SMARCAD1: variants seen among roughly 807,000 people sequenced by gnomAD.
SMARCAD1 encodes SNF2 related chromatin remodeling ATPase with DExD box 1.
Under a neutral mutation model 127.1 loss-of-function variants are expected in SMARCAD1, and 25 were observed. The observed-to-expected ratio is 0.20, with a 90% CI of 0.14 to 0.27. The LOEUF (loss-of-function observed/expected upper bound fraction) is 0.27, where lower values mean the gene tolerates loss of function less well. Ranked by LOEUF, SMARCAD1 falls within the 10% of genes least tolerant of loss-of-function variation. The pLI is 1.00. For missense variants in SMARCAD1, 807 were observed against 1,206.0 expected, an observed-to-expected ratio of 0.67 and a Z score of 4.90; for synonymous variants, 400 against 396.9, an observed-to-expected ratio of 1.01 and a Z score of -0.09.
At chr4:94,263,597 G>A (rs7697827) in intron 9 of SMARCAD1, among the ~76,000 whole-genome samples, 104,118 of 151,848 alleles carry the variant, frequency 0.69, 36,966 homozygotes, top group African/African-American at 0.89. Flanking sequence ...ATTTTATTTA[G>A]TTATCTTAGT....
At position 94,252,617 on chromosome 4, in the gene SMARCAD1, T is replaced by C. The variant is rs1276392318; in HGVS notation, c.891T>C (p.Asp297=). 1 of 1,544,122 alleles carries C rather than the reference T, an allele frequency of 6.5e-7. No individual in the cohort carries two copies. Among genetic ancestry groups the C allele is most frequent in the South Asian group, 1.2e-5 (1 of 81,076 alleles). Residue 297 remains aspartate, a splice_region_variant and synonymous_variant, in exon 9 of 24, where the codon GAT becomes GAC. Coordinates refer to ENST00000354268, the MANE Select transcript of SMARCAD1 (RefSeq NM_020159.5). ...ESLKVFAEDQ[D]MQYVSQSEVP... is the part of the protein sequence containing the mutation. ...ACTGTTTTTGTCTTTTATATACAGA[T>C]ATGCAATATGTATCACAAAGTGAGG...
At chr4:94,271,700 C>G (rs1752561843) in intron 11 of SMARCAD1, among the ~76,000 whole-genome samples, 1 of 152,120 alleles carries the variant, frequency 6.6e-6, no homozygotes, top group Admixed American at 6.5e-5. Flanking sequence ...ACAGAAATTA[C>G]CGAATATATG....
intron 19 of SMARCAD1, 41 bp from the exon 20 acceptor site, chr4:94,280,551 A>G: frequency 6.5e-7 from 1 of 1,533,152 alleles, no homozygotes; most frequent in Non-Finnish European, 9.0e-7. Flanking sequence ...ATTATTAATT[A>G]TTTTTATTTT....
chr4:94,223,253 G>T (rs1744445858), intron 2 of SMARCAD1, among the ~76,000 whole-genome samples: 2 of 151,720 alleles, frequency 1.3e-5, no homozygotes, highest in South Asian at 4.2e-4. Context: ...CCAGCACTTT[G>T]GGAGGCCGAG....
At chr4:94,214,418 C>T (rs1302162523) in intron 2 of SMARCAD1, among the ~76,000 whole-genome samples, 4 of 144,660 alleles carry the variant, frequency 2.8e-5, no homozygotes, top group African/African-American at 5.0e-5. Flanking sequence ...CCCGCCACCA[C>T]GCCGGGCTAA....
rs1741475734 is a variant in SMARCAD1, at chr4:94,208,007, CT to C, written c.-110del. 1 of 402,106 alleles carries C rather than the reference CT, an allele frequency of 2.5e-6. No individual in the cohort carries two copies. 24.9% of individuals were successfully genotyped at this position (402,106 alleles called of 1,614,324 possible). A position where few individuals can be genotyped will look rare whatever the true frequency, so the allele number is the denominator to read the frequency against. On this transcript the variant is annotated 5_prime_UTR_variant, in exon 1 of 24. An upstream open reading frame in the 5' UTR loses its in-frame stop. Transcript: ENST00000354268. ...GGGCACGGTAGCACAGGGAGCTTCTCTTTGTGGGCGGGCGCGAGGCCCGCTA... is the reference window on the plus strand; with the variant it reads ...GGGCACGGTAGCACAGGGAGCTTCTCTTGTGGGCGGGCGCGAGGCCCGCTA...
intron 10 of SMARCAD1, among the ~76,000 whole-genome samples, chr4:94,268,780 T>A (rs1752111053): frequency 6.6e-6 from 1 of 152,202 alleles, no homozygotes; most frequent in South Asian, 2.1e-4. Context: ...TTCCTATTTT[T>A]AATATGGATT....
chr4:94,253,448 A>C, intron 9 of SMARCAD1: 13 of 1,189,482 alleles, frequency 1.1e-5, no homozygotes, highest in Non-Finnish European at 1.4e-5. Context: ...CCATGATTCA[A>C]AATGCCAGCC....
chr4:94,245,356 G>C (rs1022807307), intron 6 of SMARCAD1, among the ~76,000 whole-genome samples: 1 of 152,170 alleles, frequency 6.6e-6, no homozygotes, highest in Non-Finnish European at 1.5e-5. Context: ...ATGATCAGAT[G>C]TTTTAAATGC....
Position 94,276,450 on chromosome 4 carries a change from C to T in SMARCAD1, c.1920C>T (p.Arg640=). ...TGCTGAAGAATATGGGCTCCATTCG[C>T]TACCAGCACCTTATGACAATTAATG... The part of the protein sequence containing the change: ...GHMLKNMGSI[R]YQHLMTINAN... The change falls in exon 15 of 24, where the codon CGC becomes CGT. Residue 640 remains arginine, a synonymous_variant. Coordinates refer to ENST00000354268, the MANE Select transcript of SMARCAD1 (RefSeq NM_020159.5). 1 of 1,614,100 alleles carries T rather than the reference C, an allele frequency of 6.2e-7. No homozygotes were observed. Among genetic ancestry groups the T allele is most frequent in the Non-Finnish European group, 8.5e-7 (1 of 1,180,010 alleles).
Position 94,264,822 on chromosome 4 carries a change from C to T in SMARCAD1, c.1397C>T (p.Ser466Leu), listed in dbSNP as rs1461587526. ...IRLMNKCEDI[S>L]NKLTKQVTML... is the part of the protein sequence containing the mutation. ...CTTATGAACAAATGTGAAGACATTT[C>T]AAATAAATTGACCAAACAAGTTACC... Residue 466 changes from serine to leucine, a missense_variant, in exon 10 of 24, where the codon TCA becomes TTA. Transcript: ENST00000354268. 2 of 1,613,024 alleles carry T rather than the reference C, an allele frequency of 1.2e-6. No individual in the cohort carries two copies. Among genetic ancestry groups the T allele is most frequent in the East Asian group, 2.2e-5 (1 of 44,762 alleles).
chr4:94,274,557 T>TC (rs1753000217), intron 12 of SMARCAD1, among the ~76,000 whole-genome samples, 181 bp from the exon 13 acceptor site: 2 of 152,314 alleles, frequency 1.3e-5, no homozygotes, highest in Middle Eastern at 6.8e-3. Context: ...CCTCAGGTGA[T>TC]CCACCCGCCT....
intron 16 of SMARCAD1, among the ~76,000 whole-genome samples, chr4:94,277,612 C>T (rs533867254): frequency 3.9e-5 from 6 of 152,214 alleles, no homozygotes; most frequent in Admixed American, 1.3e-4. Flanking sequence ...CAACTAAAAG[C>T]GACAGTAAAG....
chr4:94,226,889 A>G (rs1330231457), intron 3 of SMARCAD1, among the ~76,000 whole-genome samples: 2 of 151,236 alleles, frequency 1.3e-5, no homozygotes, highest in African/African-American at 4.9e-5. Flanking sequence ...TTTTTTCTAG[A>G]GGTGGGGTCT....
chr4:94,249,058 CAG>C (rs1748880376), intron 6 of SMARCAD1, among the ~76,000 whole-genome samples: 1 of 152,156 alleles, frequency 6.6e-6, no homozygotes, highest in African/African-American at 2.4e-5. Context: ...AGTTAAGTGA[CAG>C]AGAAGAAGGA....
chr4:94,226,838 G>A (rs1049565463), intron 3 of SMARCAD1, among the ~76,000 whole-genome samples: 26 of 151,884 alleles, frequency 1.7e-4, no homozygotes, highest in Non-Finnish European at 3.1e-4. Context: ...AAGAGGAATA[G>A]GGAGTTAGGG....
intron 5 of SMARCAD1, among the ~76,000 whole-genome samples, chr4:94,237,444 G>T (rs1480386547): frequency 2.0e-5 from 3 of 150,844 alleles, no homozygotes; most frequent in African/African-American, 7.3e-5. Flanking sequence ...CAATATAGAA[G>T]CGTGTCCAGT....
At position 94,257,140 on chromosome 4, in the gene SMARCAD1, T is replaced by G. The variant is rs1052206725; in HGVS notation, c.1281+4133T>G. Among the ~76,000 whole-genome samples the G allele has an allele frequency of 2.0e-5, 3 of 152,234 alleles. No homozygotes were observed. The East Asian group carries it at 5.8e-4, about 29-fold the overall frequency. ...TGAAGAGATATGATTGGGGCCATAT[T>G]GATGAGTTTTTTTCATGTAATTATT... On this transcript the variant is annotated intron_variant, in intron 9 of 23. Coordinates refer to ENST00000354268, the MANE Select transcript of SMARCAD1 (RefSeq NM_020159.5).
intron 9 of SMARCAD1, among the ~76,000 whole-genome samples, chr4:94,258,286 T>C (rs756001597): frequency 2.0e-4 from 30 of 151,872 alleles, no homozygotes; most frequent in Non-Finnish European, 3.8e-4. Context: ...TCCTGAGTAG[T>C]TGGGATTACA....
Sources: allele counts gnomAD v4.1 joint callset (sites outside exome capture counted in the v4.1 genomes callset), GRCh38; gene constraint gnomAD v4.1.1; transcripts MANE v1.5; gene names NCBI Gene and HGNC (gene_info 2026-07-23, HGNC 2026-07-21).